Variants in GNG7 observed in about 807,000 individuals in gnomAD.
The protein encoded by GNG7 is G protein subunit gamma 7.
In GNG7, 1 loss-of-function variant was observed where a neutral mutation model predicts 4.0. The ratio of observed to expected loss-of-function variants is 0.25; its 90% CI spans 0.09 to 1.18. The LOEUF (loss-of-function observed/expected upper bound fraction) is 1.18, where lower values mean the gene tolerates loss of function less well. Among genes scored for constraint, GNG7 ranks in the 50% most tolerant of loss-of-function variants. The pLI, the probability that GNG7 is intolerant of heterozygous loss-of-function variation, is 0.50. For synonymous variants in GNG7, 34 were observed against 36.9 expected (o/e 0.92, Z 0.29); for missense variants, 86 against 91.9 (o/e 0.94, Z 0.26).
chr19:2,523,823 G>GGCCC (rs1978323345), intron 3 of GNG7, among the ~76,000 whole-genome samples: 1 of 152,040 alleles, frequency 6.6e-6, no homozygotes, highest in South Asian at 2.1e-4. Flanking sequence ...TCAATAAAAG[G>GGCCC]GGCAATTAAA....
chr19:2,551,952 T>C (rs1288044523), intron 3 of GNG7, among the ~76,000 whole-genome samples: 1 of 152,212 alleles, frequency 6.6e-6, no homozygotes, highest in Admixed American at 6.5e-5. Context: ...CCCAAAGTGC[T>C]GGGATTACAG....
At chr19:2,587,874 G>C (rs1599407513) in intron 2 of GNG7, among the ~76,000 whole-genome samples, 1 of 147,128 alleles carries the variant, frequency 6.8e-6, no homozygotes, top group African/African-American at 2.5e-5. Context: ...AAGGAAGGAA[G>C]GAAGGAAGGA....
chr19:2,576,438 C>T (rs540464085), intron 2 of GNG7, among the ~76,000 whole-genome samples: 20 of 152,314 alleles, frequency 1.3e-4, no homozygotes, highest in African/African-American at 3.8e-4. Flanking sequence ...GGGCGGGCCG[C>T]GGCAGGCGGG....
chr19:2,617,349 G>A lies in GNG7; in HGVS notation c.-78+28875C>T, dbSNP rs113509279. 3.5e-3 allele frequency among the ~76,000 whole-genome samples: 537 copies of A among 152,336 alleles called. 6 individuals carry two copies. Among genetic ancestry groups the A allele is most frequent in the African/African-American group, 0.012 (516 of 41,576 alleles). On this transcript the variant is annotated intron_variant, in intron 2 of 4. Transcript: ENST00000382159. The surrounding 1 kb of genome is among the most constrained non-coding windows in gnomAD (Gnocchi z 4.7). ...AGAGCTCACCAGCCATCCAGGCACT[G>A]AGCCCGGCCCAGCCCTGCAGCTCTG... is the stretch of plus-strand genomic sequence containing the variant.
intron 3 of GNG7, among the ~76,000 whole-genome samples, chr19:2,532,807 A>T (rs1978636811): frequency 6.6e-6 from 1 of 152,202 alleles, no homozygotes; most frequent in African/African-American, 2.4e-5. Flanking sequence ...AATATTTGGG[A>T]GGATGTAGAA....
At chr19:2,680,144 C>CTTTTT (rs775146336) in intron 1 of GNG7, among the ~76,000 whole-genome samples, 4 of 119,008 alleles carry the variant, frequency 3.4e-5, no homozygotes, top group Admixed American at 8.5e-5. Context: ...GACCTTGTCT[C>CTTTTT]TTTTTTTTTT....
At chr19:2,610,446 C>G (rs1981527101) in intron 2 of GNG7, 1 of 151,990 alleles carries the variant, frequency 6.6e-6, no homozygotes, top group Admixed American at 6.6e-5. Flanking sequence ...CTCCTGGGTT[C>G]AAGCGATTCT....
At chr19:2,687,239 T>A (rs1983894612) in intron 1 of GNG7, among the ~76,000 whole-genome samples, 1 of 152,092 alleles carries the variant, frequency 6.6e-6, no homozygotes, top group Non-Finnish European at 1.5e-5. Context: ...TTTCTCTTTT[T>A]TGTAGAGATG....
At chr19:2,613,664 C>G (rs1261718977) in intron 2 of GNG7, among the ~76,000 whole-genome samples, 1 of 151,626 alleles carries the variant, frequency 6.6e-6, no homozygotes, top group African/African-American at 2.4e-5. Context: ...GGTGATCCTG[C>G]CCCCAGGGGA....
At chr19:2,642,594 A>G in intron 2 of GNG7, 1 of 360,656 alleles carries the variant, frequency 2.8e-6, no homozygotes. Flanking sequence ...TCAAACTCTC[A>G]GGCTCAAACG....
chr19:2,635,928 G>A (rs1004736853), intron 2 of GNG7, among the ~76,000 whole-genome samples: 2 of 152,166 alleles, frequency 1.3e-5, no homozygotes, highest in African/African-American at 4.8e-5. Context: ...GTGATATTTG[G>A]GGACATTTGT....
chr19:2,603,215 C>CCT (rs2144814138), intron 2 of GNG7, among the ~76,000 whole-genome samples: 1 of 152,172 alleles, frequency 6.6e-6, no homozygotes, highest in South Asian at 2.1e-4. Flanking sequence ...TACAGGTGCG[C>CCT]ACCACCATGC....
intron 1 of GNG7, among the ~76,000 whole-genome samples, chr19:2,677,042 T>A (rs942566677): frequency 6.6e-6 from 1 of 152,142 alleles, no homozygotes. Flanking sequence ...GGACTCCATA[T>A]CTTTACTGCA....
chr19:2,572,204 A>T (rs1176886093), intron 2 of GNG7, among the ~76,000 whole-genome samples: 1 of 151,786 alleles, frequency 6.6e-6, no homozygotes, highest in Non-Finnish European at 1.5e-5. Flanking sequence ...TGTTTTTTAG[A>T]GACAGGGTCT....
At chr19:2,536,529 C>G (rs369106613) in intron 3 of GNG7, among the ~76,000 whole-genome samples, 1 of 152,144 alleles carries the variant, frequency 6.6e-6, no homozygotes, top group Non-Finnish European at 1.5e-5. Flanking sequence ...TTAAAACAAT[C>G]GATGTTTTGT....
chr19:2,570,764 A>T (rs1980121035), intron 2 of GNG7, among the ~76,000 whole-genome samples: 1 of 152,148 alleles, frequency 6.6e-6, no homozygotes, highest in Non-Finnish European at 1.5e-5. Flanking sequence ...CACACAAGGA[A>T]ACAAAACCCC....
chr19:2,662,170 G>A (rs1296682681), intron 1 of GNG7, among the ~76,000 whole-genome samples: 2 of 147,844 alleles, frequency 1.4e-5, no homozygotes, highest in Non-Finnish European at 3.0e-5. Flanking sequence ...TGAGGCAGGA[G>A]AATCACTTGA....
chr19:2,672,275 C>G (rs1053502699), intron 1 of GNG7, among the ~76,000 whole-genome samples: 22 of 152,080 alleles, frequency 1.4e-4, no homozygotes, highest in Non-Finnish European at 2.8e-4. Flanking sequence ...CCTGCCTCAG[C>G]CTCCCAAAGC....
intron 1 of GNG7, among the ~76,000 whole-genome samples, chr19:2,678,130 A>C (rs370082664): frequency 6.6e-6 from 1 of 152,138 alleles, no homozygotes; most frequent in South Asian, 2.1e-4. Context: ...AGGCATCCAG[A>C]CCTTCCACTG....
Sources: gnomAD v4.1 joint callset for allele counts (sites outside exome capture counted in the v4.1 genomes callset) on GRCh38, gnomAD v4.1.1 for gene constraint, Gnocchi (gnomAD v3.1) non-coding constraint, MANE v1.5 for transcripts, NCBI Gene and HGNC (gene_info 2026-07-23, HGNC 2026-07-21) for gene names.